Variants in DTNB observed in about 807,000 individuals in gnomAD.
The protein encoded by DTNB is DTN-B.
Under a neutral mutation model 90.7 loss-of-function variants are expected in DTNB, and 63 were observed. That is an observed-to-expected ratio of 0.69 (90% CI 0.57 to 0.86). The LOEUF is 0.86. Ranked by LOEUF, DTNB falls within the 40% of genes least tolerant of loss-of-function variation. The pLI is 0.00. For synonymous variants in DTNB, 277 were observed against 286.7 expected (o/e 0.97, Z 0.34); for missense variants, 744 against 807.1 (o/e 0.92, Z 0.95).
chr2:25,663,441 T>C (rs1045107235), intron 1 of DTNB, among the ~76,000 whole-genome samples: 2 of 152,232 alleles, frequency 1.3e-5, no homozygotes, highest in African/African-American at 2.4e-5. Flanking sequence ...ATGGGATTGC[T>C]GGGTCAAACG....
intron 9 of DTNB, among the ~76,000 whole-genome samples, chr2:25,489,641 A>G (rs2066947008): frequency 6.6e-6 from 1 of 152,066 alleles, no homozygotes; most frequent in South Asian, 2.1e-4. Context: ...AACACAGCCA[A>G]GACTCCGTCT....
intron 9 of DTNB, among the ~76,000 whole-genome samples, chr2:25,512,160 C>T (rs2074080378): frequency 6.6e-6 from 1 of 152,118 alleles, no homozygotes; most frequent in African/African-American, 2.4e-5. Flanking sequence ...ATCTTGACTT[C>T]CAGGATTATT....
intron 6 of DTNB, 47 bp downstream of exon 6, chr2:25,596,039 A>C: frequency 6.7e-7 from 1 of 1,485,840 alleles, no homozygotes; most frequent in Non-Finnish European, 8.9e-7. Context: ...AGGTGAAGGG[A>C]GGGAAGAGCG....
intron 9 of DTNB, among the ~76,000 whole-genome samples, chr2:25,498,304 A>C (rs2069496195): frequency 6.6e-6 from 1 of 152,190 alleles, no homozygotes; most frequent in East Asian, 1.9e-4. Flanking sequence ...CCAAGCCAAC[A>C]AATCAGACAA....
At chr2:25,402,526 G>C (rs1452089233) in intron 16 of DTNB, among the ~76,000 whole-genome samples, 2 of 147,980 alleles carry the variant, frequency 1.4e-5, no homozygotes, top group African/African-American at 2.6e-5. Flanking sequence ...CTAGACACTG[G>C]AGAGAGGGGC....
chr2:25,459,845 T>C (rs1232467517), intron 10 of DTNB, among the ~76,000 whole-genome samples: 1 of 152,106 alleles, frequency 6.6e-6, no homozygotes, highest in African/African-American at 2.4e-5. Flanking sequence ...TGGTGGCTTA[T>C]GTCTGTAATC....
chr2:25,576,254 C>A (rs2060654073), intron 8 of DTNB, among the ~76,000 whole-genome samples: 1 of 120,898 alleles, frequency 8.3e-6, no homozygotes, highest in South Asian at 3.0e-4. Context: ...GAGACAGAGT[C>A]TTACTCTGTT....
At chr2:25,540,571 A>G (rs998898022) in intron 8 of DTNB, among the ~76,000 whole-genome samples, 2 of 152,144 alleles carry the variant, frequency 1.3e-5, no homozygotes, top group Non-Finnish European at 2.9e-5. Flanking sequence ...CAGGGCCATG[A>G]TGACAATGGC....
chr2:25,410,457 A>G (rs1462733269), intron 16 of DTNB, among the ~76,000 whole-genome samples: 2 of 152,166 alleles, frequency 1.3e-5, no homozygotes, highest in African/African-American at 4.8e-5. Flanking sequence ...CCCACCACGC[A>G]AGACAGGACC....
At chr2:25,485,035 A>C (rs1322088064) in intron 9 of DTNB, among the ~76,000 whole-genome samples, 1 of 152,236 alleles carries the variant, frequency 6.6e-6, no homozygotes, top group African/African-American at 2.4e-5. Context: ...CAAATCCAGC[A>C]CAACAGCTTT....
Position 25,596,070 on chromosome 2 carries a change from A to G in DTNB, c.603+16T>C, listed in dbSNP as rs377290527. The G allele has an allele frequency of 3.1e-5, 49 of 1,584,620 alleles. No individual in the cohort carries two copies. The highest frequency in any genetic ancestry group is 1.8e-4 in the South Asian group (15 of 85,672). ...GAGCGCTCTTCTAGCCCTAGATTCT[A>G]TAAAACTGTCCTTACCTGCTGTGGA... On this transcript the variant is annotated intron_variant, in intron 6 of 20. Coordinates refer to ENST00000406818, the MANE Select transcript of DTNB (RefSeq NM_021907.5).
intron 16 of DTNB, among the ~76,000 whole-genome samples, chr2:25,410,493 G>T (rs2046323891): frequency 6.6e-6 from 1 of 152,178 alleles, no homozygotes; most frequent in Admixed American, 6.5e-5. Context: ...TTCTGGGTAT[G>T]CAAGAGTAAG....
chr2:25,380,009 C>T (rs1304815715), intron 19 of DTNB: 1 of 152,490 alleles, frequency 6.6e-6, no homozygotes, highest in Non-Finnish European at 1.5e-5. Flanking sequence ...AGGAAGGGTA[C>T]CCCGATGGAG....
At chr2:25,443,961 A>G (rs2057982688) in intron 12 of DTNB, among the ~76,000 whole-genome samples, 1 of 152,208 alleles carries the variant, frequency 6.6e-6, no homozygotes, top group Non-Finnish European at 1.5e-5. Context: ...GGAGCAGCTG[A>G]CAAGGAGATG....
At chr2:25,509,898 G>A (rs538203368) in intron 9 of DTNB, among the ~76,000 whole-genome samples, 1 of 151,680 alleles carries the variant, frequency 6.6e-6, no homozygotes, top group South Asian at 2.1e-4. Flanking sequence ...CTACAGGCAC[G>A]CATCACCACA....
chr2:25,640,088 T>C (rs1282049556), intron 2 of DTNB, among the ~76,000 whole-genome samples: 2 of 152,152 alleles, frequency 1.3e-5, no homozygotes, highest in Non-Finnish European at 2.9e-5. Flanking sequence ...AACGCATAAA[T>C]AGAATGACTG....
intron 1 of DTNB, among the ~76,000 whole-genome samples, chr2:25,653,336 G>C (rs1272031721): frequency 6.7e-6 from 1 of 149,644 alleles, no homozygotes; most frequent in African/African-American, 2.5e-5. Flanking sequence ...ATTTTCTCTT[G>C]CTGCTGCCAT....
At chr2:25,461,183 C>T (rs905763210) in intron 10 of DTNB, among the ~76,000 whole-genome samples, 17 of 152,300 alleles carry the variant, frequency 1.1e-4, no homozygotes, top group African/African-American at 3.8e-4. Context: ...GGATTACAGG[C>T]GTGAGCCACC....
chr2:25,381,795 C>CTTCTTCCTCTTCTCCCAGT (rs2037855184), intron 19 of DTNB, among the ~76,000 whole-genome samples: 1 of 152,260 alleles, frequency 6.6e-6, no homozygotes, highest in South Asian at 2.1e-4. Flanking sequence ...TCTGCAGAAT[C>CTTCTTCCTCTTCTCCCAGT]TTCTTCCTCT....
Sources: allele counts gnomAD v4.1 joint callset (sites outside exome capture counted in the v4.1 genomes callset), GRCh38; gene constraint gnomAD v4.1.1; transcripts MANE v1.5; gene names NCBI Gene and HGNC (gene_info 2026-07-23, HGNC 2026-07-21).